COPG1: variants seen among roughly 807,000 people sequenced by gnomAD.
The protein encoded by COPG1 is coatomer subunit gamma-1.
COPG1 carries 29 observed loss-of-function variants against 102.8 expected under a neutral mutation model. The ratio of observed to expected loss-of-function variants is 0.28; its 90% CI spans 0.21 to 0.38. The LOEUF (loss-of-function observed/expected upper bound fraction) is 0.38. Among genes scored for constraint, COPG1 ranks in the 10% least tolerant of loss-of-function variants. The pLI is 1.00. For missense variants in COPG1, 875 were observed against 1,132.7 expected, an observed-to-expected ratio of 0.77 and a Z score of 3.27; for synonymous variants, 406 against 421.6, an observed-to-expected ratio of 0.96 and a Z score of 0.45.
At chr3:129,274,788 G>A (rs1940235174) in intron 21 of COPG1, 50 bp from the exon 22 acceptor site, 2 of 1,604,996 alleles carry the variant, frequency 1.2e-6, no homozygotes, top group African/African-American at 2.7e-5. Flanking sequence ...TCAGAGCAGA[G>A]GCCCGTAGGT....
In COPG1 at chr3:129,271,795, C is replaced by T. The variant is rs748033689; in HGVS notation, c.1872C>T (p.Arg624=). Residue 624 remains arginine (R), a synonymous_variant, in exon 19 of 24, where the codon CGC becomes CGT. Transcript: ENST00000314797. The surrounding 1 kb of genome is among the most constrained non-coding windows in gnomAD (Gnocchi z 4.7). ...AGTTGGCAGCAGTGCCAGAGTTCCGCGGTCTTGGGCCCCTCTTCAAGTCCT... is the reference window on the plus strand; with the variant it reads ...AGTTGGCAGCAGTGCCAGAGTTCCGTGGTCTTGGGCCCCTCTTCAAGTCCT... ...QEQLAAVPEF[R]GLGPLFKSSP... is the part of the protein sequence containing the mutation. 38 of 1,614,216 alleles carry T rather than the reference C, an allele frequency of 2.4e-5. No individual in the cohort carries two copies. In the East Asian group the frequency reaches 2.9e-4, roughly 12 times the overall value.
At chr3:129,254,805 T>C in intron 6 of COPG1, 62 bp downstream of exon 6, 1 of 1,472,132 alleles carries the variant, frequency 6.8e-7, no homozygotes, top group East Asian at 2.3e-5. Flanking sequence ...GCATCATCTT[T>C]TGCATTCTTT....
At chr3:129,259,978 T>C (rs1242729896) in intron 10 of COPG1, among the ~76,000 whole-genome samples, 1 of 152,226 alleles carries the variant, frequency 6.6e-6, no homozygotes, top group Admixed American at 6.5e-5. Flanking sequence ...GCTGCCAACC[T>C]AAAGTTTGTT....
intron 7 of COPG1, among the ~76,000 whole-genome samples, 191 bp downstream of exon 7, chr3:129,255,268 G>A (rs189535970): frequency 2.5e-3 from 360 of 144,692 alleles, no homozygotes; most frequent in African/African-American, 8.9e-3. Flanking sequence ...AACCTCTGCC[G>A]CCGGGGTTCA....
At chr3:129,250,852 T>A in intron 2 of COPG1, 118 bp downstream of exon 2, 1 of 854,814 alleles carries the variant, frequency 1.2e-6, no homozygotes, top group Non-Finnish European at 1.9e-6. Context: ...AACTTGTGCC[T>A]GGAAGTTTTC....
chr3:129,253,979 T>G (rs1448572785), intron 5 of COPG1, among the ~76,000 whole-genome samples: 4 of 120,668 alleles, frequency 3.3e-5, no homozygotes, highest in South Asian at 2.5e-4. Flanking sequence ...CCAGCCTGGG[T>G]GACAGAACGA....
chr3:129,257,711 C>A lies in COPG1; in HGVS notation c.738-16C>A. On this transcript the variant is annotated splice_polypyrimidine_tract_variant and intron_variant, in intron 9 of 23. Transcript: ENST00000314797. The stretch of plus-strand genomic sequence containing the variant: ...CCACCCCCAACGTTTTCTTGCCACC[C>A]TATGTTCTTTTGTAGCCGTGACAGC... The A allele has an allele frequency of 6.2e-7, 1 of 1,613,712 alleles. No homozygotes were observed. Among genetic ancestry groups the A allele is most frequent in the Non-Finnish European group, 8.5e-7 (1 of 1,179,644 alleles).
Position 129,257,864 on chromosome 3 carries a change from A to G in COPG1, c.871+4A>G. On this transcript the variant is annotated splice_donor_region_variant and intron_variant, in intron 10 of 23. Transcript: ENST00000314797. The stretch of plus-strand genomic sequence containing the variant: ...GAGCTGGCCCCGGCTGTGTCAGGTC[A>G]CTGGGCATTCCTTCACCCAGCCTCA... 6.2e-7 allele frequency: 1 copy of G among 1,612,678 alleles called. No individual in the cohort carries two copies. Among genetic ancestry groups the G allele is most frequent in the Non-Finnish European group, 8.5e-7 (1 of 1,179,766 alleles).
rs567854963 is a variant in COPG1 at position 129,256,514 on chromosome 3, T to C, written c.579+360T>C. Among the ~76,000 whole-genome samples the C allele has an allele frequency of 4.6e-5, 7 of 152,380 alleles. No homozygotes were observed. The South Asian group carries it at 1.4e-3, about 32-fold the overall frequency. On this transcript the variant is annotated intron_variant, in intron 8 of 23. Transcript: ENST00000314797. ...GGCTTTGTTATGATGTGTGGAATTA[T>C]CTTGATGAGGCTTTCATCCACTTTA...
At chr3:129,250,532 C>G in intron 1 of COPG1, 150 bp from the exon 2 acceptor site, 4 of 647,470 alleles carry the variant, frequency 6.2e-6, no homozygotes, top group Non-Finnish European at 1.1e-5. Flanking sequence ...AGTAGGATCC[C>G]TAGACAGATT....
chr3:129,267,895 C>A, intron 15 of COPG1, 42 bp from the exon 16 acceptor site: 1 of 1,528,932 alleles, frequency 6.5e-7, no homozygotes, highest in South Asian at 1.1e-5. Context: ...CCTGCCATCC[C>A]TGCTGGGTCC....
intron 18 of COPG1, among the ~76,000 whole-genome samples, chr3:129,269,420 T>C (rs1247476789): frequency 6.6e-6 from 1 of 152,172 alleles, no homozygotes; most frequent in Non-Finnish European, 1.5e-5. Context: ...TGTCCTCTGG[T>C]GTTGCATTTT....
chr3:129,263,517 A>G (rs959968042), intron 12 of COPG1, among the ~76,000 whole-genome samples: 1 of 152,218 alleles, frequency 6.6e-6, no homozygotes, highest in Non-Finnish European at 1.5e-5. Context: ...GGCCAAGGAC[A>G]GAATACCCCA....
At position 129,254,684 on chromosome 3, in the gene COPG1, A is replaced by C; in HGVS notation, c.340A>C (p.Thr114Pro). 6.2e-7 allele frequency: 1 copy of C among 1,614,026 alleles called. No homozygotes were observed. The highest frequency in any genetic ancestry group is 8.5e-7 in the Non-Finnish European group (1 of 1,179,928). Residue 114 changes from threonine to proline, a missense_variant, in exon 6 of 24, where the codon ACT becomes CCT. Thr to Pro is a conservative substitution (Grantham distance 38). Transcript: ENST00000314797. The part of the protein sequence containing the change: ...IVTSSLTKDM[T>P]GKEDNYRGPA... ...TCCCTGCAGCCTAACAAAAGACATG[A>C]CTGGGAAAGAAGACAACTACCGGGG... is the stretch of plus-strand genomic sequence containing the variant.
intron 7 of COPG1, among the ~76,000 whole-genome samples, chr3:129,255,778 C>T (rs1454597904): frequency 1.3e-5 from 2 of 152,228 alleles, no homozygotes; most frequent in Non-Finnish European, 2.9e-5. Flanking sequence ...GCCACCGCAC[C>T]TGGCCAAAAT....
intron 13 of COPG1, among the ~76,000 whole-genome samples, chr3:129,264,640 T>C (rs79505388): frequency 0.016 from 2,509 of 152,124 alleles, 71 homozygotes; most frequent in African/African-American, 0.057. Flanking sequence ...CCCAGCACTT[T>C]GGTGATTGTG....
chr3:129,264,046 G>T lies in COPG1; in HGVS notation c.1224+47G>T, dbSNP rs185327070. 10 of 1,472,974 alleles carry T rather than the reference G, an allele frequency of 6.8e-6. No individual in the cohort carries two copies. In the East Asian group the frequency reaches 2.3e-4, roughly 33 times the overall value. 91.2% of individuals were successfully genotyped at this position (1,472,974 alleles called of 1,614,324 possible). On this transcript the variant is annotated intron_variant, in intron 13 of 23. Coordinates refer to ENST00000314797, the MANE Select transcript of COPG1 (RefSeq NM_016128.4). The stretch of plus-strand genomic sequence containing the variant: ...GGGATGCCAGGTCTCCTGGTGCAGG[G>T]AGTGACCTGACCACTGGCTCCATGC...
chr3:129,266,629 TTAAG>T (rs1940066309), intron 14 of COPG1, among the ~76,000 whole-genome samples: 1 of 152,228 alleles, frequency 6.6e-6, no homozygotes, highest in African/African-American at 2.4e-5. Flanking sequence ...TAAATGATCT[TTAAG>T]TAATTGTTCC....
At chr3:129,274,202 A>G (rs2107679920) in intron 21 of COPG1, 1 of 433,268 alleles carries the variant, frequency 2.3e-6, no homozygotes. Context: ...AAAAAAAGAG[A>G]GAGAGAGCTG....
Sources: allele counts gnomAD v4.1 joint callset (sites outside exome capture counted in the v4.1 genomes callset), GRCh38; gene constraint gnomAD v4.1.1; non-coding constraint Gnocchi (gnomAD v3.1); transcripts MANE v1.5; gene names NCBI Gene and HGNC (gene_info 2026-07-23, HGNC 2026-07-21).